Variants in PDGFA observed in about 807,000 individuals in gnomAD.
PDGFA encodes the protein platelet-derived growth factor subunit A.
A neutral mutation model predicts 25.6 loss-of-function variants in PDGFA; 9 were observed. The ratio of observed to expected loss-of-function variants is 0.35; its 90% CI spans 0.21 to 0.61. The LOEUF is 0.61. Ranked by LOEUF, PDGFA falls within the 20% of genes least tolerant of loss-of-function variation. The pLI, the probability that PDGFA is intolerant of heterozygous loss-of-function variation, is 0.75. For missense variants in PDGFA, 242 were observed against 272.8 expected (o/e 0.89, Z 0.79); for synonymous variants, 133 against 111.8 (o/e 1.19, Z -1.20).
chr7:502,806 A>G (rs530369266), intron 4 of PDGFA, among the ~76,000 whole-genome samples: 2 of 143,020 alleles, frequency 1.4e-5, no homozygotes, highest in East Asian at 4.1e-4. Context: ...ACACACACAC[A>G]CACATAATGC....
chr7:513,039 AC>A (rs552411567), intron 2 of PDGFA: 63 of 181,688 alleles, frequency 3.5e-4, no homozygotes, highest in African/African-American at 1.3e-3. Flanking sequence ...TGCGGGCCAG[AC>A]CCCACTCATT....
At chr7:497,970 AAAACAAAAC>A (rs1782160181) in exon 6 of PDGFA, 3 of 133,504 alleles carry the variant, frequency 2.2e-5, no homozygotes, top group Admixed American at 7.9e-5. Context: ...AAAAAAAAAA[AAAACAAAAC>A]AAAAACAAAA....
upstream of PDGFA, chr7:520,623 C>G (rs933511359): frequency 3.9e-5 from 6 of 152,278 alleles, no homozygotes; most frequent in African/African-American, 1.4e-4. Flanking sequence ...AAAGGAGCCA[C>G]CGGTGAGGGT....
chr7:507,609 TC>T (rs1429939131), intron 4 of PDGFA, among the ~76,000 whole-genome samples: 1 of 152,080 alleles, frequency 6.6e-6, no homozygotes, highest in Non-Finnish European at 1.5e-5. Flanking sequence ...TGAGAGCCTC[TC>T]CCCGTACCTC....
At chr7:513,189 G>A in intron 2 of PDGFA, 1 of 155,064 alleles carries the variant, frequency 6.4e-6, no homozygotes, top group Non-Finnish European at 1.4e-5. Flanking sequence ...AGAGAAGCTG[G>A]CATCTGCGAG....
chr7:512,537 C>T (rs1181265663), intron 2 of PDGFA, 82 bp from the exon 3 acceptor site: 1 of 1,601,334 alleles, frequency 6.2e-7, no homozygotes, highest in Non-Finnish European at 8.5e-7. Context: ...TTCCCACAGA[C>T]CAGCTTTGGG....
chr7:519,291 G>C, exon 1 of PDGFA: 1 of 315,090 alleles, frequency 3.2e-6, no homozygotes, highest in Non-Finnish European at 5.8e-6. Context: ...GAGGGCGGGG[G>C]CTGGGCTTCT....
rs781476779 is a variant in PDGFA, at chr7:510,983, G to A, written c.279C>T (p.Pro93=). The A allele has an allele frequency of 2.7e-5, 43 of 1,612,248 alleles. 1 individual carries two copies. Among genetic ancestry groups the A allele is most frequent in the Middle Eastern group, 3.3e-4 (2 of 6,056 alleles). The stretch of plus-strand genomic sequence containing the variant: ...TGACCGTCCTGGTCTTGCAGACAGC[G>A]GGGACAGCTTCCTCTGCAACGGCGG... The change falls in exon 4 of 6, where the codon CCC becomes CCT. Residue 93 remains proline, a synonymous_variant. Coordinates refer to ENST00000402802, the Ensembl canonical transcript of PDGFA.
intron 5 of PDGFA, 65 bp downstream of exon 5, chr7:501,051 A>G: frequency 6.2e-7 from 1 of 1,613,266 alleles, no homozygotes; most frequent in Non-Finnish European, 8.5e-7. Context: ...GCCACCTAAC[A>G]CCCCAAAAGC....
chr7:514,247 G>A (rs74625419), intron 2 of PDGFA, among the ~76,000 whole-genome samples: 7,781 of 152,240 alleles, frequency 0.051, 351 homozygotes, highest in East Asian at 0.13. Flanking sequence ...GAAGTGGCTC[G>A]CAGGAGACTC....
At chr7:508,165 C>G (rs1021776603) in intron 4 of PDGFA, among the ~76,000 whole-genome samples, 49 of 152,270 alleles carry the variant, frequency 3.2e-4, no homozygotes, top group Admixed American at 9.2e-4. Flanking sequence ...TTCTCCCCGC[C>G]GCCCCATCTC....
At chr7:515,812 A>G (rs1370293294) in intron 2 of PDGFA, among the ~76,000 whole-genome samples, 3 of 152,100 alleles carry the variant, frequency 2.0e-5, no homozygotes, top group Admixed American at 2.0e-4. Flanking sequence ...CGGGTGAGGA[A>G]TGCCATCAGC....
chr7:500,677 G>A lies in PDGFA; in HGVS notation c.580+439C>T. The A allele has an allele frequency of 6.9e-7, 1 of 1,452,756 alleles. No homozygotes were observed. 90.0% of individuals were successfully genotyped at this position (1,452,756 alleles called of 1,614,324 possible). A position where few individuals can be genotyped will look rare whatever the true frequency, so the allele number is the denominator to read the frequency against. ...CAGGGCCCAGCCATAGCAGGGCACA[G>A]AAGCCATTCTGCTCCTGGGTGGAGT... is the stretch of plus-strand genomic sequence containing the variant. On this transcript the variant is annotated intron_variant, in intron 5 of 5. Transcript: ENST00000402802. The surrounding 1 kb of genome is among the most constrained non-coding windows in gnomAD (Gnocchi z 5.0).
exon 6 of PDGFA, chr7:498,469 G>A: frequency 8.3e-7 from 1 of 1,208,078 alleles, no homozygotes; most frequent in South Asian, 1.3e-5. Context: ...GGAGAACAAA[G>A]ACCGCACACT....
exon 6 of PDGFA, chr7:497,959 C>CAAAAAACA (rs1782149552): frequency 1.8e-5 from 1 of 56,688 alleles, no homozygotes; most frequent in Non-Finnish European, 3.0e-5. Flanking sequence ...AAAAAAAAAA[C>CAAAAAACA]AAAAAAAAAA....
chr7:518,250 G>A (rs1196788701), intron 1 of PDGFA, among the ~76,000 whole-genome samples: 1 of 152,134 alleles, frequency 6.6e-6, no homozygotes, highest in African/African-American at 2.4e-5. Context: ...AGAGTCGGGG[G>A]TCGCTGGGGA....
intron 4 of PDGFA, among the ~76,000 whole-genome samples, chr7:509,892 T>G (rs1411825614): frequency 6.6e-6 from 1 of 152,176 alleles, no homozygotes; most frequent in African/African-American, 2.4e-5. Context: ...GGGCTCACCC[T>G]GGGATTCTAT....
chr7:498,460 G>A (rs971541907), exon 6 of PDGFA: 39 of 1,105,414 alleles, frequency 3.5e-5, no homozygotes, highest in Non-Finnish European at 4.9e-5. Context: ...TTTCACGGAG[G>A]AGAACAAAGA....
In PDGFA at chr7:517,277, A is replaced by C; in HGVS notation, c.160+117T>G. 2 of 323,308 alleles carry C rather than the reference A, an allele frequency of 6.2e-6. No individual in the cohort carries two copies. Among genetic ancestry groups the C allele is most frequent in the Non-Finnish European group, 1.1e-5 (2 of 184,506 alleles). The allele number at this position is 323,308 out of a possible 1,614,324, so 20.0% of individuals were successfully genotyped here. A position where few individuals can be genotyped will look rare whatever the true frequency, so the allele number is the denominator to read the frequency against. On this transcript the variant is annotated intron_variant, in intron 2 of 5. Transcript: ENST00000402802. The surrounding 1 kb of genome is among the most constrained non-coding windows in gnomAD (Gnocchi z 7.4). ...TCCGCCCGGGCGCTTATGGCTGGGG[A>C]TTGGATTCTGACCTTTCGGTGCGCT... is the stretch of plus-strand genomic sequence containing the variant.
Sources: gnomAD v4.1 joint callset for allele counts (sites outside exome capture counted in the v4.1 genomes callset) on GRCh38, gnomAD v4.1.1 for gene constraint, Gnocchi (gnomAD v3.1) non-coding constraint, MANE v1.5 for transcripts, NCBI Gene and HGNC (gene_info 2026-07-23, HGNC 2026-07-21) for gene names.